The following TSPEAR variants were observed in gnomAD, a reference collection of about 807,000 sequenced individuals.
TSPEAR encodes thrombospondin-type laminin G domain and EAR repeat-containing protein.
In TSPEAR, 69 loss-of-function variants were observed where a neutral mutation model predicts 71.6. That is an observed-to-expected ratio of 0.96 (90% CI 0.79 to 1.18). The LOEUF is 1.18. Ranked by LOEUF, TSPEAR falls within the 50% of genes most tolerant of loss-of-function variation. The probability of loss-of-function intolerance (pLI) is 0.00; values close to 1 mark genes in which losing one functional copy is unlikely to be tolerated. For missense variants in TSPEAR, 971 were observed against 894.9 expected (o/e 1.09, Z -1.09); for synonymous variants, 402 against 387.2 (o/e 1.04, Z -0.45).
rs2052217832 is a variant in TSPEAR, at chr21:44,506,986, C to T, written c.1755-2105G>A. 6.6e-6 allele frequency: 1 copy of T among 152,254 alleles called. No individual in the cohort carries two copies. Among genetic ancestry groups the T allele is most frequent in the African/African-American group, 2.4e-5 (1 of 41,454 alleles). The allele number at this position is 152,254 out of a possible 1,614,324, so 9.4% of individuals were successfully genotyped here. A position where few individuals can be genotyped will look rare whatever the true frequency, so the allele number is the denominator to read the frequency against. On this transcript the variant is annotated intron_variant, in intron 10 of 11. Coordinates refer to ENST00000323084, the MANE Select transcript of TSPEAR (RefSeq NM_144991.3). This position sits in a 1 kb window ranked among gnomAD's most constrained non-coding sequence, Gnocchi z 4.2. ...AGAATCACGCCCTCTGGCAAATGCC[C>T]ATCATCGGACAAATGGACGGATGAA...
At chr21:44,677,784 T>C in intron 1 of TSPEAR, 2 of 1,313,554 alleles carry the variant, frequency 1.5e-6, no homozygotes, top group Non-Finnish European at 2.2e-6. Flanking sequence ...AGTTGATTTC[T>C]TTGGCAATGG....
intron 9 of TSPEAR, among the ~76,000 whole-genome samples, chr21:44,510,215 G>A (rs1474467810): frequency 6.6e-6 from 1 of 152,204 alleles, no homozygotes; most frequent in African/African-American, 2.4e-5. Flanking sequence ...CACGGGGAAG[G>A]GGAAGGCTGC....
chr21:44,514,092 T>TG (rs1285427585), intron 9 of TSPEAR, among the ~76,000 whole-genome samples: 58 of 152,298 alleles, frequency 3.8e-4, no homozygotes, highest in African/African-American at 1.3e-3. Flanking sequence ...ACAGAAGTCA[T>TG]GGGGCATAGC....
intron 1 of TSPEAR, chr21:44,681,964 C>A (rs1569256605): frequency 1.9e-6 from 3 of 1,613,852 alleles, no homozygotes; most frequent in Non-Finnish European, 2.5e-6. Flanking sequence ...GGCACGCACA[C>A]AGAGGACTGG....
chr21:44,564,746 A>G (rs1483518518), intron 2 of TSPEAR, among the ~76,000 whole-genome samples: 3 of 152,222 alleles, frequency 2.0e-5, no homozygotes, highest in Non-Finnish European at 4.4e-5. Context: ...AAGATCAACA[A>G]GAAAAAGGAA....
chr21:44,509,054 G>A (rs1006708436), intron 10 of TSPEAR, 145 bp downstream of exon 10: 1 of 1,346,646 alleles, frequency 7.4e-7, no homozygotes, highest in Non-Finnish European at 1.0e-6. Flanking sequence ...TCCACAGGAA[G>A]GTCCCCAGGC....
chr21:44,600,060 C>T lies in TSPEAR; in HGVS notation c.83-32055G>A, dbSNP rs76671510. 3.7e-4 allele frequency among the ~76,000 whole-genome samples: 57 copies of T among 152,304 alleles called. No individual in the cohort carries two copies. The East Asian group carries it at 0.01, about 28-fold the overall frequency. On this transcript the variant is annotated intron_variant, in intron 1 of 11. Transcript: ENST00000323084. ...GCTCACACCACTGTCCACCCTTTCC[C>T]GTTTGCCACTTGCTCTAAAGCCCTT...
chr21:44,668,350 A>G (rs1555945284), intron 1 of TSPEAR, among the ~76,000 whole-genome samples: 1 of 152,248 alleles, frequency 6.6e-6, no homozygotes, highest in African/African-American at 2.4e-5. Context: ...AAGAATTAAA[A>G]TAATTGTGTA....
rs1555910887 is a variant in TSPEAR, at chr21:44,499,767, C to G, written c.*16G>C. 5.8e-6 allele frequency: 9 copies of G among 1,546,620 alleles called. No homozygotes were observed. In the East Asian group the frequency reaches 1.5e-4, roughly 26 times the overall value. ...CCCCACCTGGCCACCCCAGTTGCTG[C>G]CGGGCAGCCGCGGCCTCAGCGTGTC... On this transcript the variant is annotated 3_prime_UTR_variant, in exon 12 of 12. Coordinates refer to ENST00000323084, the MANE Select transcript of TSPEAR (RefSeq NM_144991.3).
chr21:44,599,134 T>TTCTCTCTCTCCCTCTCTCTC (rs1980577664), intron 1 of TSPEAR, among the ~76,000 whole-genome samples: 1 of 92,280 alleles, frequency 1.1e-5, no homozygotes, highest in Non-Finnish European at 2.4e-5. Context: ...GGCCCCCATT[T>TTCTCTCTCTCCCTCTCTCTC]TCTCTCTCTC....
rs587668270 is a variant in TSPEAR, at chr21:44,541,505, G to T, written c.304-7582C>A. Among the ~76,000 whole-genome samples the T allele has an allele frequency of 3.3e-4, 51 of 152,304 alleles. 1 individual carries two copies. The highest frequency in any genetic ancestry group is 1.2e-3 in the African/African-American group (50 of 41,552). ...AGCTGAGACTTGAGTGAGTGAATCC[G>T]CATTAGAGAGAAACTGCACAGAAGT... On this transcript the variant is annotated intron_variant, in intron 2 of 11. Transcript: ENST00000323084.
At chr21:44,696,794 C>T (rs1406210194) in intron 1 of TSPEAR, among the ~76,000 whole-genome samples, 2 of 152,178 alleles carry the variant, frequency 1.3e-5, no homozygotes, top group Non-Finnish European at 1.5e-5. Flanking sequence ...GCCCATTGGC[C>T]GGCTCCCTCC....
In TSPEAR at chr21:44,658,286, A is replaced by T. The variant is rs781842165; in HGVS notation, c.82+53147T>A. ...CTGCTGCTGACCAGCTGCTCCTGGT[A>T]CACGGGGGTACACACCTGTATCCCT... On this transcript the variant is annotated intron_variant, in intron 1 of 11. Transcript: ENST00000323084. The T allele has an allele frequency of 1.9e-6, 3 of 1,610,620 alleles. No homozygotes were observed. The South Asian group carries it at 3.3e-5, about 18-fold the overall frequency.
chr21:44,706,441 G>T (rs1987927230), intron 1 of TSPEAR, among the ~76,000 whole-genome samples: 4 of 149,532 alleles, frequency 2.7e-5, no homozygotes, highest in Middle Eastern at 3.5e-3. Flanking sequence ...ACCCACGTGC[G>T]CACCCACATG....
chr21:44,612,232 C>A lies in TSPEAR; in HGVS notation c.83-44227G>T. ...GCACTGGCTCCTCCTGGCAGGTGGACAATTGCCAGGAAAGCTGCTGCGAGC... is the reference window on the plus strand; with the variant it reads ...GCACTGGCTCCTCCTGGCAGGTGGAAAATTGCCAGGAAAGCTGCTGCGAGC... On this transcript the variant is annotated intron_variant, in intron 1 of 11. Transcript: ENST00000323084. This position sits in a 1 kb window ranked among gnomAD's most constrained non-coding sequence, Gnocchi z 4.1. 6.2e-7 allele frequency: 1 copy of A among 1,613,800 alleles called. No homozygotes were observed. Among genetic ancestry groups the A allele is most frequent in the Non-Finnish European group, 8.5e-7 (1 of 1,180,002 alleles).
At chr21:44,707,484 GCTGGAGACCCTTGGCTTGT>G in intron 1 of TSPEAR, among the ~76,000 whole-genome samples, 1 of 152,334 alleles carries the variant, frequency 6.6e-6, no homozygotes, top group South Asian at 2.1e-4. Context: ...AACCAGAGAG[GCTGGAGACCCTTGGCTTGT>G]CTGGAGCGGA....
intron 1 of TSPEAR, chr21:44,697,320 C>A (rs781808301): frequency 5.0e-6 from 8 of 1,612,704 alleles, no homozygotes; most frequent in Middle Eastern, 1.8e-4. Flanking sequence ...TGTGAGCCCC[C>A]CTGCTGCGCC....
chr21:44,710,693 G>T lies in TSPEAR; in HGVS notation c.82+740C>A, dbSNP rs1601591601. ...ACTGTCCAGTAACTGAGTTTCTAGC[G>T]ACCAGGTCTAGTTGTCGTGTTACTT... On this transcript the variant is annotated intron_variant, in intron 1 of 11. Coordinates refer to ENST00000323084, the MANE Select transcript of TSPEAR (RefSeq NM_144991.3). This position sits in a 1 kb window ranked among gnomAD's most constrained non-coding sequence, Gnocchi z 4.6. Among the ~76,000 whole-genome samples, 1 of 152,202 alleles carries T rather than the reference G, an allele frequency of 6.6e-6. No individual in the cohort carries two copies. Among genetic ancestry groups the T allele is most frequent in the East Asian group, 1.9e-4 (1 of 5,196 alleles).
intron 2 of TSPEAR, chr21:44,539,549 G>C (rs193033273): frequency 6.2e-7 from 1 of 1,613,652 alleles, no homozygotes; most frequent in East Asian, 2.2e-5. Flanking sequence ...AGAGCAGACG[G>C]GCACACAGCA....
Sources: gnomAD v4.1 joint callset for allele counts (sites outside exome capture counted in the v4.1 genomes callset) on GRCh38, gnomAD v4.1.1 for gene constraint, Gnocchi (gnomAD v3.1) non-coding constraint, MANE v1.5 for transcripts, NCBI Gene and HGNC (gene_info 2026-07-23, HGNC 2026-07-21) for gene names.